The following PUM2 variants were observed in gnomAD, a reference collection of about 807,000 sequenced individuals.
PUM2 encodes pumilio homolog 2.
PUM2 carries 57 observed loss-of-function variants against 124.5 expected under a neutral mutation model. That is an observed-to-expected ratio of 0.46 (90% CI 0.37 to 0.57). The LOEUF (loss-of-function observed/expected upper bound fraction) is 0.57, where lower values mean the gene tolerates loss of function less well. Among genes scored for constraint, PUM2 ranks in the 20% least tolerant of loss-of-function variants. The pLI is 0.00. For missense variants in PUM2, 1,065 were observed against 1,290.6 expected (o/e 0.83, Z 2.68); for synonymous variants, 460 against 446.1 (o/e 1.03, Z -0.39).
At chr2:20,282,410 A>C (rs1264562806) in intron 12 of PUM2, among the ~76,000 whole-genome samples, 1 of 152,234 alleles carries the variant, frequency 6.6e-6, no homozygotes, top group Non-Finnish European at 1.5e-5. Flanking sequence ...AGATAACCAT[A>C]CTGGTAGCTT....
In PUM2 at chr2:20,336,711, GT is replaced by G. The variant is rs1686131121; in HGVS notation, c.-18-9334del. On this transcript the variant is annotated intron_variant, in intron 1 of 20. Transcript: ENST00000361078. ...TGTGTGTGTGTGTGTGTGTGTGTGT[GT>G]TACAGACGGGGTCTCACCATGTTGC... Among the ~76,000 whole-genome samples the G allele has an allele frequency of 3.6e-5, 5 of 138,084 alleles. No homozygotes were observed. In the Admixed American group the frequency reaches 3.6e-4, roughly 10 times the overall value. 90.6% of individuals were successfully genotyped at this position (138,084 alleles called of 152,430 possible). A position where few individuals can be genotyped will look rare whatever the true frequency, so the allele number is the denominator to read the frequency against.
At chr2:20,324,481 C>A (rs560444661) in intron 2 of PUM2, among the ~76,000 whole-genome samples, 1 of 152,080 alleles carries the variant, frequency 6.6e-6, no homozygotes, top group Admixed American at 6.5e-5. Flanking sequence ...CAGACAGGGC[C>A]CTCTTTCCTG....
chr2:20,334,954 T>C (rs1340929018), intron 1 of PUM2, among the ~76,000 whole-genome samples: 1 of 152,188 alleles, frequency 6.6e-6, no homozygotes, highest in African/African-American at 2.4e-5. Context: ...TTGGACTGTT[T>C]TGTTTTTTTT....
intron 1 of PUM2, among the ~76,000 whole-genome samples, chr2:20,339,938 A>G (rs1686902929): frequency 6.6e-6 from 1 of 151,568 alleles, no homozygotes. Flanking sequence ...GTATTTATAA[A>G]TGTCATTTCA....
chr2:20,336,942 C>A (rs1344433231), intron 1 of PUM2, among the ~76,000 whole-genome samples: 1 of 151,938 alleles, frequency 6.6e-6, no homozygotes, highest in African/African-American at 2.4e-5. Flanking sequence ...AAATTATTTT[C>A]TGTGATTTAA....
At chr2:20,329,819 G>A (rs187045871) in intron 1 of PUM2, among the ~76,000 whole-genome samples, 1 of 152,106 alleles carries the variant, frequency 6.6e-6, no homozygotes, top group African/African-American at 2.4e-5. Context: ...TTACAAGAAT[G>A]ACCTAATGTG....
intron 13 of PUM2, among the ~76,000 whole-genome samples, chr2:20,266,341 G>T (rs1194595092): frequency 2.0e-5 from 3 of 151,974 alleles, no homozygotes; most frequent in Non-Finnish European, 4.4e-5. Flanking sequence ...TACTTGGGGA[G>T]GGTGAGGTTG....
intron 8 of PUM2, 72 bp from the exon 9 acceptor site, chr2:20,294,590 A>G: frequency 6.9e-7 from 1 of 1,456,214 alleles, no homozygotes; most frequent in Non-Finnish European, 9.2e-7. Context: ...GCTACCTATC[A>G]TCAGATTATA....
intron 15 of PUM2, among the ~76,000 whole-genome samples, chr2:20,259,880 T>C (rs1000363842): frequency 6.6e-6 from 1 of 152,250 alleles, no homozygotes; most frequent in African/African-American, 2.4e-5. Flanking sequence ...TACACCATTT[T>C]ACATTTCCAC....
chr2:20,352,023 G>C (rs1325474368), upstream of PUM2: 2 of 152,164 alleles, frequency 1.3e-5, no homozygotes, highest in African/African-American at 2.4e-5. Flanking sequence ...GTTAAAAACT[G>C]AAGTCACACC....
At chr2:20,327,033 G>A (rs11903745) in intron 2 of PUM2, among the ~76,000 whole-genome samples, 41,446 of 150,598 alleles carry the variant, frequency 0.28, 6,120 homozygotes, top group Non-Finnish European at 0.34. Context: ...TTCAAGCAAA[G>A]CTAATTATAG....
At chr2:20,297,943 G>A (rs1173236542) in intron 7 of PUM2, among the ~76,000 whole-genome samples, 1 of 152,160 alleles carries the variant, frequency 6.6e-6, no homozygotes, top group Middle Eastern at 3.2e-3. Context: ...CTCGAGGTAT[G>A]TTATAGAAAA....
chr2:20,276,241 AT>A (rs745825338), intron 13 of PUM2, among the ~76,000 whole-genome samples: 2 of 143,664 alleles, frequency 1.4e-5, no homozygotes, highest in African/African-American at 2.6e-5. Context: ...TTATAAGCCT[AT>A]CTTAAAAAAT....
intron 13 of PUM2, among the ~76,000 whole-genome samples, chr2:20,267,210 G>A (rs1667899060): frequency 1.3e-5 from 2 of 151,668 alleles, no homozygotes; most frequent in Admixed American, 6.6e-5. Context: ...TTTTTTAGTA[G>A]AGACGGGGTT....
chr2:20,260,011 G>C (rs1181548256), intron 15 of PUM2, among the ~76,000 whole-genome samples: 1 of 152,166 alleles, frequency 6.6e-6, no homozygotes, highest in Admixed American at 6.6e-5. Context: ...TTGTGAGATT[G>C]ATCTGCATTT....
chr2:20,286,132 G>A (rs1233227727), intron 10 of PUM2, among the ~76,000 whole-genome samples: 7 of 152,194 alleles, frequency 4.6e-5, no homozygotes, highest in Admixed American at 4.6e-4. Flanking sequence ...TTAGAGTTTT[G>A]AGGAGAGGAG....
chr2:20,256,391 A>G (rs945094999), intron 16 of PUM2, among the ~76,000 whole-genome samples: 2 of 152,214 alleles, frequency 1.3e-5, no homozygotes, highest in African/African-American at 4.8e-5. Flanking sequence ...GAAACCATTG[A>G]AAAGTGAAAA....
At chr2:20,291,497 TGAGAA>T (rs1369212216) in intron 9 of PUM2, among the ~76,000 whole-genome samples, 2 of 152,214 alleles carry the variant, frequency 1.3e-5, no homozygotes, top group African/African-American at 4.8e-5. Flanking sequence ...GTTTAATTCT[TGAGAA>T]GAGAATGTTG....
At chr2:20,314,819 C>T (rs1045752395) in intron 3 of PUM2, among the ~76,000 whole-genome samples, 2 of 151,814 alleles carry the variant, frequency 1.3e-5, no homozygotes, top group Admixed American at 6.6e-5. Context: ...ATGAGGAATC[C>T]GAGAACAACA....
Sources: gnomAD v4.1 joint callset for allele counts (sites outside exome capture counted in the v4.1 genomes callset) on GRCh38, gnomAD v4.1.1 for gene constraint, MANE v1.5 for transcripts, NCBI Gene and HGNC (gene_info 2026-07-23, HGNC 2026-07-21) for gene names.